Variants in MACROD2 observed in about 807,000 individuals in gnomAD.
The protein encoded by MACROD2 is ADP-ribose glycohydrolase MACROD2.
In MACROD2, 36 loss-of-function variants were observed where a neutral mutation model predicts 70.4. That is an observed-to-expected ratio of 0.51 (90% CI 0.39 to 0.68). MACROD2 has a LOEUF of 0.68. MACROD2 is among the 30% of genes least tolerant of loss of function. MACROD2 has a pLI of 0.00. For synonymous variants in MACROD2, 172 were observed against 178.8 expected (o/e 0.96, Z 0.30); for missense variants, 496 against 538.4 (o/e 0.92, Z 0.78).
chr20:14,598,619 A>G (rs1982291589), intron 4 of MACROD2, among the ~76,000 whole-genome samples: 1 of 152,196 alleles, frequency 6.6e-6, no homozygotes. Context: ...ATTGATTTAC[A>G]TGTTAATTAA....
chr20:14,937,178 G>A (rs2074347311), intron 5 of MACROD2, among the ~76,000 whole-genome samples: 1 of 152,020 alleles, frequency 6.6e-6, no homozygotes, highest in African/African-American at 2.4e-5. Flanking sequence ...ACTCTGACAT[G>A]GAAAGGTGGA....
At chr20:15,915,651 T>G (rs1353893863) in intron 10 of MACROD2, among the ~76,000 whole-genome samples, 6 of 152,140 alleles carry the variant, frequency 3.9e-5, no homozygotes, top group Admixed American at 3.9e-4. Flanking sequence ...ACACCCATGG[T>G]TTTTTGAGCC....
At chr20:14,590,404 G>C (rs77404646) in intron 4 of MACROD2, among the ~76,000 whole-genome samples, 4,426 of 152,272 alleles carry the variant, frequency 0.029, 109 homozygotes, top group Non-Finnish European at 0.037. Flanking sequence ...GGTTTGTGGG[G>C]CAGTAAGATT....
chr20:14,039,734 A>G (rs2053364299), intron 2 of MACROD2, among the ~76,000 whole-genome samples: 2 of 152,062 alleles, frequency 1.3e-5, no homozygotes, highest in African/African-American at 4.8e-5. Flanking sequence ...GTTGGCATAT[A>G]TAAGTGATAT....
Position 14,410,896 on chromosome 20 carries a change from A to G in MACROD2, c.272-82583A>G, listed in dbSNP as rs11904868. ...GCTTGTCTCAGTGTCTTCTTCTGGT[A>G]GAGACCAACCTGAGCAGATGACCAT... On this transcript the variant is annotated intron_variant, in intron 3 of 17. Coordinates refer to ENST00000684519, the MANE Select transcript of MACROD2 (RefSeq NM_001351661.2). Among the ~76,000 whole-genome samples the G allele has an allele frequency of 6.6e-3, 1,011 of 152,242 alleles. 10 individuals carry two copies. Among genetic ancestry groups the G allele is most frequent in the African/African-American group, 0.022 (902 of 41,562 alleles).
intron 5 of MACROD2, among the ~76,000 whole-genome samples, chr20:14,706,663 C>T (rs12479561): frequency 0.079 from 12,028 of 152,074 alleles, 748 homozygotes; most frequent in South Asian, 0.26. Context: ...GCAACCAGCC[C>T]GGCTGGGCAG....
At chr20:15,655,986 C>G (rs16996288) in intron 8 of MACROD2, among the ~76,000 whole-genome samples, 3,521 of 152,194 alleles carry the variant, frequency 0.023, 172 homozygotes, top group East Asian at 0.2. Flanking sequence ...TAATGGTAAC[C>G]TGGATTGTTA....
intron 3 of MACROD2, among the ~76,000 whole-genome samples, chr20:14,255,644 C>G (rs1288310135): frequency 6.6e-6 from 1 of 151,280 alleles, no homozygotes; most frequent in Non-Finnish European, 1.5e-5. Context: ...ATGTAACTAA[C>G]CTGCACATTG....
chr20:15,919,326 ATCTG>A lies in MACROD2; in HGVS notation c.776-13946_776-13943del, dbSNP rs1256645329. Among the ~76,000 whole-genome samples the A allele has an allele frequency of 3.3e-5, 5 of 152,286 alleles. No individual in the cohort carries two copies. In the East Asian group the frequency reaches 9.6e-4, roughly 29 times the overall value. Reference sequence around the variant, plus strand: ...CAGGAGAGAGGAAACAGATGTTCCTATCTGTCTTTTGATGTGGCTTCTGATACTT... The same window carrying A: ...CAGGAGAGAGGAAACAGATGTTCCTATCTTTTGATGTGGCTTCTGATACTT... On this transcript the variant is annotated intron_variant, in intron 10 of 17. Transcript: ENST00000684519.
At chr20:14,452,987 A>G (rs1430304589) in intron 3 of MACROD2, among the ~76,000 whole-genome samples, 4 of 152,100 alleles carry the variant, frequency 2.6e-5, no homozygotes, top group Non-Finnish European at 5.9e-5. Context: ...TTTCTCAACT[A>G]TTGATTTCAA....
chr20:14,197,416 A>G (rs1413522106), intron 3 of MACROD2, among the ~76,000 whole-genome samples: 1 of 152,200 alleles, frequency 6.6e-6, no homozygotes, highest in African/African-American at 2.4e-5. Context: ...TTTAAATATA[A>G]CTTTCAACTG....
chr20:15,040,082 A>C (rs1243648342), intron 5 of MACROD2, among the ~76,000 whole-genome samples: 1 of 152,050 alleles, frequency 6.6e-6, no homozygotes, highest in Non-Finnish European at 1.5e-5. Flanking sequence ...TTTGCTGGGA[A>C]CCATATAGAG....
intron 3 of MACROD2, among the ~76,000 whole-genome samples, chr20:14,370,335 G>A (rs1465176053): frequency 6.6e-6 from 1 of 152,084 alleles, no homozygotes; most frequent in African/African-American, 2.4e-5. Flanking sequence ...GAAAAAGGTA[G>A]CTTTTGAGGA....
chr20:14,231,926 C>T (rs2081817344), intron 3 of MACROD2, among the ~76,000 whole-genome samples: 1 of 152,230 alleles, frequency 6.6e-6, no homozygotes, highest in South Asian at 2.1e-4. Context: ...CTTTTGGCTG[C>T]ATAAATGTCT....
chr20:14,584,957 T>C (rs1396228141), intron 4 of MACROD2, among the ~76,000 whole-genome samples: 1 of 152,222 alleles, frequency 6.6e-6, no homozygotes, highest in Admixed American at 6.5e-5. Flanking sequence ...TGTATGATTC[T>C]ATGATTAGCA....
chr20:14,502,026 G>A (rs1260075983), intron 4 of MACROD2, among the ~76,000 whole-genome samples: 4 of 152,146 alleles, frequency 2.6e-5, no homozygotes, highest in African/African-American at 4.8e-5. Flanking sequence ...AAAAAGAGAA[G>A]TTTATTGAGT....
chr20:15,688,966 C>T (rs117004078), intron 8 of MACROD2, among the ~76,000 whole-genome samples: 1,704 of 152,326 alleles, frequency 0.011, 12 homozygotes, highest in South Asian at 0.024. Context: ...GCTCACTTAA[C>T]ATGTGCCAGT....
At chr20:14,260,378 G>A (rs1354447328) in intron 3 of MACROD2, among the ~76,000 whole-genome samples, 1 of 152,196 alleles carries the variant, frequency 6.6e-6, no homozygotes, top group African/African-American at 2.4e-5. Context: ...GCAAAAAAAT[G>A]TCATGATAAT....
intron 6 of MACROD2, among the ~76,000 whole-genome samples, chr20:15,254,845 T>C (rs944291380): frequency 6.6e-6 from 1 of 151,106 alleles, no homozygotes; most frequent in Non-Finnish European, 1.5e-5. Context: ...TCTATCTGAC[T>C]ACAAAGCCCA....
Sources: allele counts gnomAD v4.1 joint callset (sites outside exome capture counted in the v4.1 genomes callset), GRCh38; gene constraint gnomAD v4.1.1; transcripts MANE v1.5; gene names NCBI Gene and HGNC (gene_info 2026-07-23, HGNC 2026-07-21).